MAX: variants seen among roughly 807,000 people sequenced by gnomAD.
MAX encodes the protein MYC associated transcriptional regulator X, also known as protein max.
In MAX, 3 loss-of-function variants were observed where a neutral mutation model predicts 22.3. That is an observed-to-expected ratio of 0.13 (90% confidence interval 0.06 to 0.35). The LOEUF is 0.35. Ranked by LOEUF, MAX falls within the 10% of genes least tolerant of loss-of-function variation. The pLI, the probability that MAX is intolerant of heterozygous loss-of-function variation, is 1.00. For missense variants in MAX, 119 were observed against 209.4 expected, an observed-to-expected ratio of 0.57 and a Z score of 2.66; for synonymous variants, 72 against 77.7, an observed-to-expected ratio of 0.93 and a Z score of 0.39.
Position 65,077,579 on chromosome 14 carries a change from C to G in MAX, c.295+334G>C. On this transcript the variant is annotated intron_variant, in intron 4 of 4. Transcript: ENST00000358664. This position sits in a 1 kb window ranked among gnomAD's most constrained non-coding sequence, Gnocchi z 6.3. ...GGTACTTACACAGCACATTCCACTC[C>G]AAGGACCTCAAAGCTCTTTTCAGAC... The G allele has an allele frequency of 1.1e-6, 1 of 938,670 alleles. No homozygotes were observed. The highest frequency in any genetic ancestry group is 1.7e-6 in the Non-Finnish European group (1 of 580,296). The allele number at this position is 938,670 out of a possible 1,614,324, so 58.1% of individuals were successfully genotyped here. A position where few individuals can be genotyped will look rare whatever the true frequency, so the allele number is the denominator to read the frequency against.
At chr14:65,064,832 TCAAA>T (rs1365923138) in intron 3 of MAX, among the ~76,000 whole-genome samples, 1 of 152,262 alleles carries the variant, frequency 6.6e-6, no homozygotes, top group African/African-American at 2.4e-5. Flanking sequence ...GCCATTGCTC[TCAAA>T]CAGTGATTAC....
intron 2 of MAX, among the ~76,000 whole-genome samples, chr14:65,098,138 T>C (rs1270074): frequency 0.49 from 75,098 of 152,118 alleles, 21,160 homozygotes; most frequent in African/African-American, 0.78. Context: ...CTTTTAGACA[T>C]AAGAACAACT....
At chr14:65,083,614 TAACTC>T in intron 3 of MAX, 1 of 545,616 alleles carries the variant, frequency 1.8e-6, no homozygotes, top group Admixed American at 5.8e-5. Context: ...ACAATAATCT[TAACTC>T]TACTGAACAC....
rs939597570 is a variant in MAX, at chr14:65,014,893, T to A, written c.172-8609A>T. On this transcript the variant is annotated intron_variant, in intron 3 of 3. Coordinates refer to the MAX transcript ENST00000341653. This position sits in a 1 kb window ranked among gnomAD's most constrained non-coding sequence, Gnocchi z 5.1. The stretch of plus-strand genomic sequence containing the variant: ...CAGTGCTTGGCACAAGTAGATACTA[T>A]CAAATATTTGTTGAATCAGTGATTG... Among the ~76,000 whole-genome samples, 3 of 152,116 alleles carry A rather than the reference T, an allele frequency of 2.0e-5. No individual in the cohort carries two copies. Among genetic ancestry groups the A allele is most frequent in the East Asian group, 3.8e-4 (2 of 5,202 alleles).
At chr14:65,098,318 C>G (rs80204132) in intron 2 of MAX, among the ~76,000 whole-genome samples, 1 of 152,144 alleles carries the variant, frequency 6.6e-6, no homozygotes, top group Non-Finnish European at 1.5e-5. Context: ...ATTCCAATCT[C>G]GGAGGCTACC....
intron 3 of MAX, among the ~76,000 whole-genome samples, chr14:65,039,189 T>C (rs1208128564): frequency 6.6e-6 from 1 of 152,174 alleles, no homozygotes; most frequent in Non-Finnish European, 1.5e-5. Flanking sequence ...CTCAAAGCAG[T>C]GTCTGTAGGG....
At position 65,102,482 on chromosome 14, in the gene MAX, C is replaced by T. The variant is rs1712129523; in HGVS notation, c.-143G>A. The T allele has an allele frequency of 1.1e-5, 16 of 1,506,920 alleles. No individual in the cohort carries two copies. The highest frequency in any genetic ancestry group is 1.4e-5 in the Non-Finnish European group (16 of 1,129,112). 93.3% of individuals were successfully genotyped at this position (1,506,920 alleles called of 1,614,324 possible). A position where few individuals can be genotyped will look rare whatever the true frequency, so the allele number is the denominator to read the frequency against. ...TCACTCACTCGCTCTCTCACTCACA[C>T]ACACACACAACACGGGCAAGAACCA... is the stretch of plus-strand genomic sequence containing the variant. On this transcript the variant is annotated 5_prime_UTR_variant, in exon 1 of 5. The change creates a new upstream start codon in the 5' untranslated region. Coordinates refer to ENST00000358664, the MANE Select transcript of MAX (RefSeq NM_002382.5).
At position 65,032,996 on chromosome 14, in the gene MAX, C is replaced by T. The variant is rs2062115274; in HGVS notation, c.172-26712G>A. 2.0e-5 allele frequency among the ~76,000 whole-genome samples: 3 copies of T among 152,162 alleles called. No homozygotes were observed. The South Asian group carries it at 6.2e-4, about 32-fold the overall frequency. On this transcript the variant is annotated intron_variant, in intron 3 of 3. Transcript: ENST00000341653. This position sits in a 1 kb window ranked among gnomAD's most constrained non-coding sequence, Gnocchi z 5.0. Reference sequence around the variant, plus strand: ...AATTTGACAGTATGTCAAAGGTGCCCTTGCGTAGGACCCAGTAATTCCACT... The same window carrying T: ...AATTTGACAGTATGTCAAAGGTGCCTTTGCGTAGGACCCAGTAATTCCACT...
rs2061692809 is a variant in MAX, at chr14:65,012,105, T to G, written c.172-5821A>C. On this transcript the variant is annotated intron_variant, in intron 3 of 3. Coordinates refer to the MAX transcript ENST00000341653. This position sits in a 1 kb window ranked among gnomAD's most constrained non-coding sequence, Gnocchi z 5.0. ...GCACTCTAAATGTCAGCTGGCATGGTTTTCAGATGCTTTAGAGACATTCAG... is the reference window on the plus strand; with the variant it reads ...GCACTCTAAATGTCAGCTGGCATGGGTTTCAGATGCTTTAGAGACATTCAG... 1 of 537,094 alleles carries G rather than the reference T, an allele frequency of 1.9e-6. No homozygotes were observed. Among genetic ancestry groups the G allele is most frequent in the East Asian group, 3.4e-5 (1 of 29,702 alleles). The allele number at this position is 537,094 out of a possible 1,614,324, so 33.3% of individuals were successfully genotyped here.
At chr14:65,010,741 GTTTT>G (rs2061669297) in intron 3 of MAX, among the ~76,000 whole-genome samples, 1 of 152,052 alleles carries the variant, frequency 6.6e-6, no homozygotes, top group African/African-American at 2.4e-5. Flanking sequence ...CCAGATCCTT[GTTTT>G]TTTGTTTGTT....
At position 65,011,051 on chromosome 14, in the gene MAX, T is replaced by C. The variant is rs2061675834; in HGVS notation, c.172-4767A>G. 6.6e-6 allele frequency among the ~76,000 whole-genome samples: 1 copy of C among 152,222 alleles called. No homozygotes were observed. ...CTTTTGAGCCTCAGTAGTATGTTTT[T>C]CCCTTGCAAAACCTACCCATTCTTT... On this transcript the variant is annotated intron_variant, in intron 3 of 3. Transcript: ENST00000341653. This position sits in a 1 kb window ranked among gnomAD's most constrained non-coding sequence, Gnocchi z 4.0.
chr14:65,021,613 A>C (rs1039378864), intron 3 of MAX, among the ~76,000 whole-genome samples: 4 of 152,110 alleles, frequency 2.6e-5, no homozygotes, highest in African/African-American at 9.7e-5. Flanking sequence ...ACTGAGCCCC[A>C]GTGTCAACAG....
chr14:65,100,883 C>G (rs1124751), intron 2 of MAX, among the ~76,000 whole-genome samples: 182 of 152,148 alleles, frequency 1.2e-3, no homozygotes, highest in African/African-American at 4.0e-3. Context: ...TGATAACACT[C>G]TATGGTCTCA....
At chr14:65,020,473 T>C (rs991104433) in intron 3 of MAX, among the ~76,000 whole-genome samples, 1 of 152,128 alleles carries the variant, frequency 6.6e-6, no homozygotes, top group African/African-American at 2.4e-5. Flanking sequence ...TTGCCCAGAC[T>C]GGAGTGCAGT....
Position 65,042,621 on chromosome 14 carries a change from C to A in MAX, c.172-36337G>T, listed in dbSNP as rs75869478. 3.4e-3 allele frequency among the ~76,000 whole-genome samples: 516 copies of A among 152,312 alleles called. 1 individual carries two copies. The highest frequency in any genetic ancestry group is 0.012 in the African/African-American group (487 of 41,558). ...CCTGGCATGGTCTGGGGGTTAGGGA[C>A]CCCTGCTCTAATCCAGACTACTCCC... On this transcript the variant is annotated intron_variant, in intron 3 of 3. Coordinates refer to the MAX transcript ENST00000341653.
At position 65,027,805 on chromosome 14, in the gene MAX, G is replaced by C. The variant is rs766126792; in HGVS notation, c.172-21521C>G. The C allele has an allele frequency of 3.7e-6, 6 of 1,613,748 alleles. No homozygotes were observed. In the East Asian group the frequency reaches 1.3e-4, roughly 36 times the overall value. The stretch of plus-strand genomic sequence containing the variant: ...AGGTGAGTGGGGTTTTGCACAGGCT[G>C]CCACATCAGTTGACTCTAGAGCTCA... On this transcript the variant is annotated intron_variant, in intron 3 of 3. Transcript: ENST00000341653. The surrounding 1 kb of genome is among the most constrained non-coding windows in gnomAD (Gnocchi z 5.7).
chr14:65,038,007 C>T (rs1305602122), intron 3 of MAX, among the ~76,000 whole-genome samples: 2 of 151,974 alleles, frequency 1.3e-5, no homozygotes, highest in African/African-American at 4.8e-5. Flanking sequence ...TCAAATGATC[C>T]TCCTGCCTTG....
At chr14:65,008,997 C>T (rs1392787204) in intron 3 of MAX, among the ~76,000 whole-genome samples, 1 of 152,156 alleles carries the variant, frequency 6.6e-6, no homozygotes, top group African/African-American at 2.4e-5. Flanking sequence ...CACCCTGCAC[C>T]CCCTCAAGTC....
At chr14:65,045,682 C>T (rs1414005695) in intron 3 of MAX, among the ~76,000 whole-genome samples, 1 of 152,096 alleles carries the variant, frequency 6.6e-6, no homozygotes, top group Non-Finnish European at 1.5e-5. Context: ...TCCCAAAGTG[C>T]TGGGATTATA....
Sources: allele counts gnomAD v4.1 joint callset (sites outside exome capture counted in the v4.1 genomes callset), GRCh38; gene constraint gnomAD v4.1.1; non-coding constraint Gnocchi (gnomAD v3.1); transcripts MANE v1.5; gene names NCBI Gene and HGNC (gene_info 2026-07-23, HGNC 2026-07-21).